SPIRE1: variants seen among roughly 807,000 people sequenced by gnomAD.
SPIRE1 encodes protein spire homolog 1.
A neutral mutation model predicts 94.1 loss-of-function variants in SPIRE1; 40 were observed. The ratio of observed to expected loss-of-function variants is 0.43; its 90% CI spans 0.33 to 0.55. SPIRE1 has a LOEUF of 0.55. Ranked by LOEUF, SPIRE1 falls within the 20% of genes least tolerant of loss-of-function variation. The pLI is 0.06. For missense variants in SPIRE1, 838 were observed against 975.2 expected, an observed-to-expected ratio of 0.86 and a Z score of 1.87; for synonymous variants, 376 against 371.7, an observed-to-expected ratio of 1.01 and a Z score of -0.13.
intron 4 of SPIRE1, 69 bp from the exon 5 acceptor site, chr18:12,512,600 T>C (rs996133644): frequency 1.1e-5 from 10 of 935,596 alleles, no homozygotes; most frequent in African/African-American, 3.3e-5. Context: ...ATTCCTAACA[T>C]ATCTTCAGAT....
At chr18:12,454,312 A>C (rs963797620) in intron 13 of SPIRE1, 34 bp downstream of exon 13, 2 of 1,612,128 alleles carry the variant, frequency 1.2e-6, no homozygotes, top group South Asian at 1.1e-5. Flanking sequence ...CCATCCTTCT[A>C]CTCTTCTGAT....
chr18:12,563,977 T>A (rs1363496404), intron 2 of SPIRE1, among the ~76,000 whole-genome samples: 1 of 152,242 alleles, frequency 6.6e-6, no homozygotes. Context: ...ATATATATTA[T>A]GTTTTACATA....
Position 12,634,024 on chromosome 18 carries a change from G to A in SPIRE1, c.372+1038C>T, listed in dbSNP as rs552214937. On this transcript the variant is annotated intron_variant, in intron 2 of 16. Coordinates refer to ENST00000409402, the MANE Select transcript of SPIRE1 (RefSeq NM_001128626.2). Reference sequence around the variant, plus strand: ...AGCACTTTGGGAGGCCGAGGCGGGCGGATCACGAGGTCAGGAGATCGAGAC... The same window carrying A: ...AGCACTTTGGGAGGCCGAGGCGGGCAGATCACGAGGTCAGGAGATCGAGAC... Among the ~76,000 whole-genome samples the A allele has an allele frequency of 8.7e-4, 132 of 152,172 alleles. 1 individual carries two copies. The highest frequency in any genetic ancestry group is 2.9e-3 in the African/African-American group (119 of 41,536).
At chr18:12,522,369 A>C (rs1156718638) in intron 4 of SPIRE1, among the ~76,000 whole-genome samples, 2 of 152,224 alleles carry the variant, frequency 1.3e-5, no homozygotes, top group South Asian at 2.1e-4. Context: ...AAGAAGCTGC[A>C]GGAGGAAAGT....
At chr18:12,646,270 C>G (rs973979489) in intron 1 of SPIRE1, among the ~76,000 whole-genome samples, 171 of 152,252 alleles carry the variant, frequency 1.1e-3, no homozygotes, top group African/African-American at 4.0e-3. Flanking sequence ...CTGTAACACT[C>G]GCCTACTGTC....
At chr18:12,597,431 C>A (rs1423182044) in intron 2 of SPIRE1, among the ~76,000 whole-genome samples, 2 of 152,078 alleles carry the variant, frequency 1.3e-5, no homozygotes, top group Non-Finnish European at 2.9e-5. Context: ...ATCGAAGAGG[C>A]CACCAAACAG....
chr18:12,515,696 A>G (rs946133062), intron 4 of SPIRE1, among the ~76,000 whole-genome samples: 10 of 152,112 alleles, frequency 6.6e-5, no homozygotes, highest in African/African-American at 1.7e-4. Context: ...ACTGCCCTTT[A>G]GCCAAAGGAA....
upstream of SPIRE1, among the ~76,000 whole-genome samples, chr18:12,659,561 C>G (rs989459625): frequency 3.3e-5 from 5 of 151,856 alleles, no homozygotes; most frequent in African/African-American, 1.2e-4. Context: ...TCCCAGCTAC[C>G]CGGGAGGCTG....
intron 4 of SPIRE1, among the ~76,000 whole-genome samples, chr18:12,513,638 C>T (rs998545710): frequency 4.6e-5 from 7 of 151,906 alleles, no homozygotes; most frequent in African/African-American, 1.7e-4. Flanking sequence ...ATTCTCCTGC[C>T]TCAGCCTCCC....
At chr18:12,660,659 AT>A, upstream of SPIRE1, among the ~76,000 whole-genome samples, 1 of 151,802 alleles carries the variant, frequency 6.6e-6, no homozygotes. Context: ...CAACACTAGG[AT>A]TTTCCTTGAG....
At chr18:12,605,375 A>C (rs922445525) in intron 2 of SPIRE1, among the ~76,000 whole-genome samples, 1 of 152,238 alleles carries the variant, frequency 6.6e-6, no homozygotes, top group East Asian at 1.9e-4. Flanking sequence ...GTGTGGTGGC[A>C]CGCACCTGTA....
At chr18:12,508,227 A>G (rs1432281853) in intron 5 of SPIRE1, among the ~76,000 whole-genome samples, 1 of 152,218 alleles carries the variant, frequency 6.6e-6, no homozygotes, top group African/African-American at 2.4e-5. Flanking sequence ...GATATATTTC[A>G]TAAGAATCTT....
chr18:12,514,453 A>ATTTTTTTTTTTTTT, intron 4 of SPIRE1, among the ~76,000 whole-genome samples: 1 of 147,212 alleles, frequency 6.8e-6, no homozygotes, highest in Non-Finnish European at 1.5e-5. Context: ...GGAAAGAAGA[A>ATTTTTTTTTTTTTT]TTTTTTTTTT....
intron 4 of SPIRE1, among the ~76,000 whole-genome samples, chr18:12,513,839 A>C (rs1452211217): frequency 1.3e-5 from 2 of 151,288 alleles, no homozygotes; most frequent in African/African-American, 4.9e-5. Flanking sequence ...ATTTATTTTT[A>C]AGATTTATTT....
At chr18:12,637,442 A>G (rs572043264) in intron 1 of SPIRE1, among the ~76,000 whole-genome samples, 11 of 152,156 alleles carry the variant, frequency 7.2e-5, no homozygotes, top group East Asian at 5.8e-4. Context: ...AAAGAAATCT[A>G]TAAGTTTTTG....
chr18:12,466,233 T>C (rs545588193), intron 10 of SPIRE1, among the ~76,000 whole-genome samples: 8 of 152,288 alleles, frequency 5.3e-5, no homozygotes, highest in African/African-American at 1.9e-4. Context: ...TACTAAATAC[T>C]ATGCGAGATA....
At chr18:12,538,833 T>C (rs1307651690) in intron 3 of SPIRE1, among the ~76,000 whole-genome samples, 1 of 152,180 alleles carries the variant, frequency 6.6e-6, no homozygotes, top group Non-Finnish European at 1.5e-5. Flanking sequence ...TTGATTATTC[T>C]TTATTCCCAT....
At chr18:12,508,027 T>C (rs1175135426) in intron 5 of SPIRE1, among the ~76,000 whole-genome samples, 1 of 151,858 alleles carries the variant, frequency 6.6e-6, no homozygotes, top group Non-Finnish European at 1.5e-5. Context: ...GTGCCTGTAG[T>C]CCCAGCTACT....
intron 2 of SPIRE1, among the ~76,000 whole-genome samples, chr18:12,589,898 T>G (rs948042669): frequency 2.0e-5 from 3 of 152,202 alleles, no homozygotes; most frequent in African/African-American, 7.2e-5. Context: ...CACTGTCTGT[T>G]CATACAAACT....
Sources: allele counts gnomAD v4.1 joint callset (sites outside exome capture counted in the v4.1 genomes callset), GRCh38; gene constraint gnomAD v4.1.1; transcripts MANE v1.5; gene names NCBI Gene and HGNC (gene_info 2026-07-23, HGNC 2026-07-21).